Variants in FAM135B observed in about 807,000 individuals in gnomAD.
FAM135B encodes family with sequence similarity 135 member B.
Under a neutral mutation model 127.7 loss-of-function variants are expected in FAM135B, and 43 were observed. The observed-to-expected ratio is 0.34, with a 90% CI of 0.26 to 0.43. The LOEUF is 0.43. Among genes scored for constraint, FAM135B ranks in the 20% least tolerant of loss-of-function variants. FAM135B has a pLI of 1.00. For synonymous variants in FAM135B, 670 were observed against 665.1 expected, an observed-to-expected ratio of 1.01 and a Z score of -0.11; for missense variants, 1,558 against 1,725.6, an observed-to-expected ratio of 0.90 and a Z score of 1.72.
intron 1 of FAM135B, among the ~76,000 whole-genome samples, chr8:138,405,169 G>A (rs1833393882): frequency 6.6e-6 from 1 of 151,842 alleles, no homozygotes; most frequent in Non-Finnish European, 1.5e-5. Context: ...GAGTGCTTGG[G>A]TGAACAGGTG....
chr8:138,380,761 A>G (rs1277470071), intron 1 of FAM135B, among the ~76,000 whole-genome samples: 3 of 151,934 alleles, frequency 2.0e-5, no homozygotes, highest in Admixed American at 6.6e-5. Flanking sequence ...AAAAAAAAGT[A>G]ACAAACAACA....
intron 12 of FAM135B, among the ~76,000 whole-genome samples, chr8:138,153,727 C>T (rs1196048367): frequency 3.9e-5 from 6 of 152,154 alleles, no homozygotes; most frequent in Admixed American, 2.0e-4. Context: ...AAGGCAGCAG[C>T]GAGGCTGGGG....
chr8:138,268,309 T>C (rs1356709040), intron 3 of FAM135B, among the ~76,000 whole-genome samples: 1 of 152,196 alleles, frequency 6.6e-6, no homozygotes, highest in Non-Finnish European at 1.5e-5. Flanking sequence ...TATATTATCA[T>C]TGGCCACATT....
Position 138,141,315 on chromosome 8 carries a change from G to A in FAM135B, c.3673C>T (p.Arg1225Ter), listed in dbSNP as rs374023054. 1.2e-6 allele frequency: 2 copies of A among 1,614,102 alleles called. No individual in the cohort carries two copies. Among genetic ancestry groups the A allele is most frequent in the Non-Finnish European group, 1.7e-6 (2 of 1,180,004 alleles). Residue 1225 changes from arginine (R) to a stop codon, truncating the protein, a stop_gained, in exon 17 of 20, where the codon CGA becomes TGA. Coordinates refer to ENST00000395297, the MANE Select transcript of FAM135B (RefSeq NM_015912.4). LOFTEE classifies it high-confidence loss of function. This position sits in a 1 kb window ranked among gnomAD's most constrained non-coding sequence, Gnocchi z 4.7. Reference sequence around the variant, plus strand: ...AACCGGGGCCGTGTGAGGACCGATCGGATGATGATGTTGCCAAGAGAATGG... The same window carrying A: ...AACCGGGGCCGTGTGAGGACCGATCAGATGATGATGTTGCCAAGAGAATGG... ...IGHSLGNIII[R>*]SVLTRPRFRY...
chr8:138,382,498 G>T lies in FAM135B; in HGVS notation c.-19-14496C>A, dbSNP rs113268675. ...AACCACAGCAGGACATGGAGAGGCA[G>T]CTCAGTGCACAGCAAAGGGCAAAGT... On this transcript the variant is annotated intron_variant, in intron 1 of 19. Coordinates refer to ENST00000395297, the MANE Select transcript of FAM135B (RefSeq NM_015912.4). Among the ~76,000 whole-genome samples, 1,097 of 152,206 alleles carry T rather than the reference G, an allele frequency of 7.2e-3. 15 individuals carry two copies. The highest frequency in any genetic ancestry group is 0.024 in the African/African-American group (1,009 of 41,524).
intron 1 of FAM135B, among the ~76,000 whole-genome samples, chr8:138,407,841 G>A (rs1035325635): frequency 1.3e-5 from 2 of 152,192 alleles, no homozygotes; most frequent in Non-Finnish European, 2.9e-5. Flanking sequence ...TCAGGACATA[G>A]GCATGGGCAA....
intron 12 of FAM135B, among the ~76,000 whole-genome samples, chr8:138,158,733 C>A (rs1284008726): frequency 6.6e-6 from 1 of 152,092 alleles, no homozygotes; most frequent in Non-Finnish European, 1.5e-5. Flanking sequence ...AAATCAAAAC[C>A]ACAATGAGAT....
At chr8:138,269,587 C>T (rs1823208060) in intron 3 of FAM135B, among the ~76,000 whole-genome samples, 1 of 152,156 alleles carries the variant, frequency 6.6e-6, no homozygotes, top group Admixed American at 6.5e-5. Flanking sequence ...AGTGGAAAAG[C>T]CCCATTAGAC....
At chr8:138,281,075 A>T (rs1307245026) in intron 3 of FAM135B, among the ~76,000 whole-genome samples, 1 of 152,176 alleles carries the variant, frequency 6.6e-6, no homozygotes, top group Non-Finnish European at 1.5e-5. Flanking sequence ...TTAGGTGATT[A>T]CATTCCACAC....
chr8:138,288,917 G>A (rs1226613887), intron 3 of FAM135B, among the ~76,000 whole-genome samples: 1 of 152,172 alleles, frequency 6.6e-6, no homozygotes, highest in African/African-American at 2.4e-5. Flanking sequence ...CACCCAGTAG[G>A]TCTGCAGTAT....
chr8:138,181,276 T>TGG (rs1815006707), intron 9 of FAM135B, among the ~76,000 whole-genome samples: 3 of 152,078 alleles, frequency 2.0e-5, no homozygotes, highest in Admixed American at 2.0e-4. Context: ...AAAAGTTGAA[T>TGG]GGGGAATATG....
At chr8:138,289,708 G>A (rs1824959126) in intron 3 of FAM135B, among the ~76,000 whole-genome samples, 1 of 152,186 alleles carries the variant, frequency 6.6e-6, no homozygotes, top group African/African-American at 2.4e-5. Flanking sequence ...CTAGGAGGCT[G>A]AGCCCCCTAA....
chr8:138,351,633 C>T (rs2131121380), intron 2 of FAM135B, among the ~76,000 whole-genome samples: 1 of 151,640 alleles, frequency 6.6e-6, no homozygotes, highest in South Asian at 2.1e-4. Flanking sequence ...TTTGTAACAG[C>T]AACCCTAGAA....
At chr8:138,257,885 T>TAA (rs201675673) in intron 4 of FAM135B, among the ~76,000 whole-genome samples, 2,292 of 85,756 alleles carry the variant, frequency 0.027, 42 homozygotes, top group East Asian at 0.13. Context: ...AAATAAAAAA[T>TAA]AAAAAAAAAA....
At chr8:138,320,170 C>T (rs1010549011) in intron 2 of FAM135B, among the ~76,000 whole-genome samples, 1 of 152,164 alleles carries the variant, frequency 6.6e-6, no homozygotes, top group African/African-American at 2.4e-5. Context: ...TGTTTTAAGC[C>T]ACTTAGGTTA....
At chr8:138,463,742 T>C (rs1191506810) in intron 1 of FAM135B, among the ~76,000 whole-genome samples, 1 of 152,130 alleles carries the variant, frequency 6.6e-6, no homozygotes, top group African/African-American at 2.4e-5. Context: ...AGATGTAATC[T>C]AAGATGCTGC....
At chr8:138,248,963 A>G (rs964144632) in intron 6 of FAM135B, among the ~76,000 whole-genome samples, 2 of 152,314 alleles carry the variant, frequency 1.3e-5, no homozygotes, top group African/African-American at 4.8e-5. Context: ...GTAGGGCTAG[A>G]TGATAAGATG....
intron 5 of FAM135B, among the ~76,000 whole-genome samples, chr8:138,252,761 A>C (rs1271949879): frequency 6.6e-6 from 1 of 152,174 alleles, no homozygotes; most frequent in Admixed American, 6.5e-5. Flanking sequence ...AAAGAGCCCT[A>C]GTATTTAACC....
chr8:138,288,018 A>T (rs752473824), intron 3 of FAM135B, among the ~76,000 whole-genome samples: 8 of 152,356 alleles, frequency 5.3e-5, no homozygotes, highest in East Asian at 1.9e-4. Context: ...CAAATGAAGG[A>T]AGTAATGAAA....
Sources: gnomAD v4.1 joint callset for allele counts (sites outside exome capture counted in the v4.1 genomes callset) on GRCh38, gnomAD v4.1.1 for gene constraint, Gnocchi (gnomAD v3.1) non-coding constraint, MANE v1.5 for transcripts, NCBI Gene and HGNC (gene_info 2026-07-23, HGNC 2026-07-21) for gene names.